The following AMDHD1 variants were observed in gnomAD, a reference collection of about 807,000 sequenced individuals.
AMDHD1 encodes probable imidazolonepropionase.
A neutral mutation model predicts 44.1 loss-of-function variants in AMDHD1; 45 were observed. That is an observed-to-expected ratio of 1.02 (90% CI 0.80 to 1.31). AMDHD1 has a LOEUF of 1.31. Among genes scored for constraint, AMDHD1 ranks in the 50% most tolerant of loss-of-function variants. The pLI is 0.00. For synonymous variants in AMDHD1, 206 were observed against 205.0 expected (o/e 1.00, Z -0.04); for missense variants, 586 against 552.1 (o/e 1.06, Z -0.61).
At position 95,960,495 on chromosome 12, in the gene AMDHD1, A is replaced by G; in HGVS notation, c.685A>G (p.Ile229Val). The change falls in exon 5 of 9, where the codon ATA (isoleucine) becomes GTA (valine). Residue 229 changes from isoleucine (I) to valine (V), a missense_variant. Physicochemically the swap from Ile to Val is conservative, Grantham distance 29 (BLOSUM62 3). Coordinates refer to ENST00000266736, the MANE Select transcript of AMDHD1 (RefSeq NM_152435.3). ...AAATGGGGAAATACACGTGGACAAT[A>G]TAGACGTATTTTGTGAGAAAGGTGT... The part of the protein sequence containing the change: ...GRNGEIHVDN[I>V]DVFCEKGVFD... The G allele has an allele frequency of 6.2e-7, 1 of 1,614,252 alleles. No homozygotes were observed. Among genetic ancestry groups the G allele is most frequent in the African/African-American group, 1.3e-5 (1 of 75,072 alleles).
chr12:95,963,933 G>C (rs943108513), intron 6 of AMDHD1, among the ~76,000 whole-genome samples: 7 of 150,872 alleles, frequency 4.6e-5, no homozygotes, highest in African/African-American at 1.7e-4. Flanking sequence ...GGAGGCTGAG[G>C]CAGGAGAATC....
At position 95,964,928 on chromosome 12, in the gene AMDHD1, C is replaced by CAAAAAAAAAAAAAAAAAAA. The variant is rs60076877; in HGVS notation, c.939-753_939-735dup. 5.0e-4 allele frequency among the ~76,000 whole-genome samples: 18 copies of CAAAAAAAAAAAAAAAAAAA among 35,826 alleles called. 5 individuals carry two copies. The highest frequency in any genetic ancestry group is 2.3e-3 in the African/African-American group (17 of 7,356). 23.5% of individuals were successfully genotyped at this position (35,826 alleles called of 152,430 possible). Reference sequence around the variant, plus strand: ...AAAGGACCTACAGAGATGTTTGAGGCAAAAAAAAAAAAAAAAAAAAAAAGA... The same window carrying CAAAAAAAAAAAAAAAAAAA: ...AAAGGACCTACAGAGATGTTTGAGGCAAAAAAAAAAAAAAAAAAAAAAAAAAAAAAAAAAAAAAAAAAGA... On this transcript the variant is annotated intron_variant, in intron 6 of 8. Transcript: ENST00000266736.
chr12:95,964,928 CAAAAAAAAAAAA>C (rs60076877), intron 6 of AMDHD1, among the ~76,000 whole-genome samples: 2 of 35,832 alleles, frequency 5.6e-5, no homozygotes, highest in Non-Finnish European at 9.1e-5. Flanking sequence ...ATGTTTGAGG[CAAAAAAAAAAAA>C]AAAAAAAAAA....
chr12:95,959,620 C>T (rs1027984214), intron 4 of AMDHD1, among the ~76,000 whole-genome samples: 4 of 151,820 alleles, frequency 2.6e-5, no homozygotes, highest in Non-Finnish European at 5.9e-5. Flanking sequence ...CTATCCTCCT[C>T]CCCCATACCC....
intron 1 of AMDHD1, among the ~76,000 whole-genome samples, chr12:95,951,766 A>G (rs138312569): frequency 6.9e-4 from 105 of 152,328 alleles, no homozygotes; most frequent in African/African-American, 2.5e-3. Flanking sequence ...CTTTTGGATA[A>G]AAGCCATTTT....
chr12:95,962,562 T>G, intron 6 of AMDHD1, 83 bp downstream of exon 6: 2 of 1,415,910 alleles, frequency 1.4e-6, no homozygotes, highest in Non-Finnish European at 1.9e-6. Flanking sequence ...AGACATTATT[T>G]CATTGCCCTT....
chr12:95,968,546 G>A lies in AMDHD1; in HGVS notation c.*703G>A, dbSNP rs2080623857. 6.6e-6 allele frequency: 1 copy of A among 152,122 alleles called. No homozygotes were observed. The highest frequency in any genetic ancestry group is 1.5e-5 in the Non-Finnish European group (1 of 68,020). The allele number at this position is 152,122 out of a possible 1,614,324, so 9.4% of individuals were successfully genotyped here. On this transcript the variant is annotated 3_prime_UTR_variant, in exon 9 of 9. Coordinates refer to ENST00000266736, the MANE Select transcript of AMDHD1 (RefSeq NM_152435.3). Reference sequence around the variant, plus strand: ...TTTCGATTCTTTACATTACAATTGGGTGAAACACATTTTACAGCTCTCAAT... The same window carrying A: ...TTTCGATTCTTTACATTACAATTGGATGAAACACATTTTACAGCTCTCAAT...
At chr12:95,947,852 G>A (rs1592820613) in intron 1 of AMDHD1, among the ~76,000 whole-genome samples, 1 of 99,694 alleles carries the variant, frequency 1.0e-5, no homozygotes, top group Admixed American at 9.5e-5. Context: ...CCCCGTCTGG[G>A]AGGTGAGGGG....
Position 95,964,032 on chromosome 12 carries a change from T to TAAAAAA in AMDHD1, c.938+1566_938+1571dup, listed in dbSNP as rs35799594. Among the ~76,000 whole-genome samples, 7 of 119,382 alleles carry TAAAAAA rather than the reference T, an allele frequency of 5.9e-5. 1 individual carries two copies. Among genetic ancestry groups the TAAAAAA allele is most frequent in the Non-Finnish European group, 6.9e-5 (4 of 58,218 alleles). The allele number at this position is 119,382 out of a possible 152,430, so 78.3% of individuals were successfully genotyped here. ...CAACAGAGTGAGTGAGATTCCATCT[T>TAAAAAA]AAAAAAAAAAAAAAAAAAGGCCTTT... On this transcript the variant is annotated intron_variant, in intron 6 of 8. Transcript: ENST00000266736.
chr12:95,951,597 A>G (rs1444019685), intron 1 of AMDHD1, among the ~76,000 whole-genome samples: 2 of 152,200 alleles, frequency 1.3e-5, no homozygotes, highest in African/African-American at 2.4e-5. Context: ...TCTTTTGCAT[A>G]TAGATCTACC....
At chr12:95,959,106 C>T (rs1015170559) in intron 4 of AMDHD1, among the ~76,000 whole-genome samples, 2 of 151,982 alleles carry the variant, frequency 1.3e-5, no homozygotes, top group Non-Finnish European at 2.9e-5. Flanking sequence ...AAATAACTTG[C>T]GTAAGTGCCT....
Position 95,966,442 on chromosome 12 carries a change from A to C in AMDHD1, c.1127A>C (p.Lys376Thr), listed in dbSNP as rs1346457291. The C allele has an allele frequency of 1.1e-5, 18 of 1,614,134 alleles. No homozygotes were observed. Among genetic ancestry groups the C allele is most frequent in the Non-Finnish European group, 1.4e-5 (17 of 1,180,056 alleles). The stretch of plus-strand genomic sequence containing the variant: ...ATCAATGCAGCTTATGCACTGGGAA[A>C]GTCTCACACACACGGATCGTTGGAA... ...ATINAAYALG[K>T]SHTHGSLEVG... Residue 376 changes from lysine (K) to threonine (T), a missense_variant, in exon 8 of 9, where the codon AAG (lysine) becomes ACG (threonine). Transcript: ENST00000266736.
chr12:95,963,858 C>A (rs2080595190), intron 6 of AMDHD1, among the ~76,000 whole-genome samples: 1 of 151,952 alleles, frequency 6.6e-6, no homozygotes, highest in African/African-American at 2.4e-5. Context: ...TGGTTGAACT[C>A]CGTCTCTATT....
At chr12:95,958,985 G>A (rs2080566105) in intron 4 of AMDHD1, among the ~76,000 whole-genome samples, 1 of 152,030 alleles carries the variant, frequency 6.6e-6, no homozygotes, top group Non-Finnish European at 1.5e-5. Context: ...AACCCGGGAG[G>A]TGGAAGTTGC....
At position 95,961,909 on chromosome 12, in the gene AMDHD1, GA is replaced by G. The variant is rs1333020305; in HGVS notation, c.814-445del. On this transcript the variant is annotated intron_variant, in intron 5 of 8. Transcript: ENST00000266736. ...TTACAAACCCTTTACCCATTTGGGGGATTGGGCTTACAACGGTTGGTTGGCA... is the reference window on the plus strand; with the variant it reads ...TTACAAACCCTTTACCCATTTGGGGGTTGGGCTTACAACGGTTGGTTGGCA... 4.6e-5 allele frequency among the ~76,000 whole-genome samples: 7 copies of G among 152,326 alleles called. No individual in the cohort carries two copies. In the East Asian group the frequency reaches 1.2e-3, roughly 25 times the overall value.
In AMDHD1 at chr12:95,967,736, G is replaced by GTTTTTTT; in HGVS notation, c.1194-11_1194-5dup. The GTTTTTTT allele has an allele frequency of 6.4e-6, 8 of 1,259,504 alleles. No individual in the cohort carries two copies. Among genetic ancestry groups the GTTTTTTT allele is most frequent in the East Asian group, 5.8e-5 (2 of 34,710 alleles). The allele number at this position is 1,259,504 out of a possible 1,614,324, so 78.0% of individuals were successfully genotyped here. On this transcript the variant is annotated intron_variant, in intron 8 of 8. Coordinates refer to ENST00000266736, the MANE Select transcript of AMDHD1 (RefSeq NM_152435.3). The stretch of plus-strand genomic sequence containing the variant: ...TGCACACATTGAAGTAATATTTGTT[G>GTTTTTTT]TTTTTTTTTTTTTTTCTAGATGGGA...
intron 1 of AMDHD1, among the ~76,000 whole-genome samples, chr12:95,950,043 T>C (rs1240766910): frequency 6.6e-6 from 1 of 152,226 alleles, no homozygotes; most frequent in Non-Finnish European, 1.5e-5. Flanking sequence ...GGTTTGACTT[T>C]GTTAAAACAA....
intron 1 of AMDHD1, among the ~76,000 whole-genome samples, chr12:95,946,027 T>G (rs1333372855): frequency 2.0e-5 from 3 of 151,190 alleles, no homozygotes; most frequent in African/African-American, 7.3e-5. Flanking sequence ...TAAAGGTATC[T>G]CATTCTTAAA....
In AMDHD1 at chr12:95,943,430, A is replaced by C; in HGVS notation, c.32A>C (p.Asn11Thr). MASGHSLLLE[N>T]AQQVVLVCAR... The stretch of plus-strand genomic sequence containing the variant: ...AGCGGCCACAGCCTCCTGCTGGAGA[A>C]CGCGCAGCAAGTGGTGCTGGTGTGC... Residue 11 changes from asparagine (N) to threonine (T), a missense_variant, in exon 1 of 9, where the codon AAC (asparagine) becomes ACC (threonine). Transcript: ENST00000266736. The C allele has an allele frequency of 2.7e-5, 41 of 1,506,152 alleles. No individual in the cohort carries two copies. The highest frequency in any genetic ancestry group is 3.6e-5 in the Non-Finnish European group (41 of 1,134,238). The allele number at this position is 1,506,152 out of a possible 1,614,324, so 93.3% of individuals were successfully genotyped here.
Sources: allele counts gnomAD v4.1 joint callset (sites outside exome capture counted in the v4.1 genomes callset), GRCh38; gene constraint gnomAD v4.1.1; transcripts MANE v1.5; gene names NCBI Gene and HGNC (gene_info 2026-07-23, HGNC 2026-07-21).